INPP4B: variants seen among roughly 807,000 people sequenced by gnomAD.
The protein encoded by INPP4B is inositol polyphosphate 4-phosphatase type II.
INPP4B carries 55 observed loss-of-function variants against 122.5 expected under a neutral mutation model. The observed-to-expected ratio is 0.45, with a 90% confidence interval of 0.36 to 0.56. The LOEUF (loss-of-function observed/expected upper bound fraction) is 0.56, where lower values mean the gene tolerates loss of function less well. Ranked by LOEUF, INPP4B falls within the 20% of genes least tolerant of loss-of-function variation. The pLI, the probability that INPP4B is intolerant of heterozygous loss-of-function variation, is 0.00. For missense variants in INPP4B, 1,000 were observed against 1,097.7 expected (o/e 0.91, Z 1.26); for synonymous variants, 403 against 388.7 (o/e 1.04, Z -0.43).
At chr4:142,651,186 C>A (rs1361913479) in intron 2 of INPP4B, among the ~76,000 whole-genome samples, 4 of 152,058 alleles carry the variant, frequency 2.6e-5, no homozygotes, top group African/African-American at 9.7e-5. Context: ...AACAAAGAGA[C>A]AATGTACCAG....
intron 9 of INPP4B, among the ~76,000 whole-genome samples, chr4:142,280,066 C>T (rs1330647135): frequency 6.6e-6 from 1 of 150,984 alleles, no homozygotes; most frequent in African/African-American, 2.4e-5. Flanking sequence ...ACTTTAACAC[C>T]CTTACAATGG....
In INPP4B at chr4:142,169,660, T is replaced by C. The variant is rs1824569205; in HGVS notation, c.1359+3972A>G. Among the ~76,000 whole-genome samples, 5 of 151,692 alleles carry C rather than the reference T, an allele frequency of 3.3e-5. No homozygotes were observed. The South Asian group carries it at 1.0e-3, about 31-fold the overall frequency. Reference sequence around the variant, plus strand: ...AAAGAACAGTAGGAATTATAAGCTATGAGAATTTCTCAAATACGCTGTGAG... The same window carrying C: ...AAAGAACAGTAGGAATTATAAGCTACGAGAATTTCTCAAATACGCTGTGAG... On this transcript the variant is annotated intron_variant, in intron 16 of 25. Coordinates refer to ENST00000262992, the MANE Select transcript of INPP4B (RefSeq NM_001101669.3).
At chr4:142,326,922 A>C (rs1369911087) in intron 7 of INPP4B, among the ~76,000 whole-genome samples, 2 of 152,194 alleles carry the variant, frequency 1.3e-5, no homozygotes, top group African/African-American at 4.8e-5. Flanking sequence ...GCCCAGGGCC[A>C]CTTCATTAGC....
intron 7 of INPP4B, among the ~76,000 whole-genome samples, chr4:142,340,598 A>G (rs1025853508): frequency 1.3e-5 from 2 of 152,054 alleles, no homozygotes; most frequent in Non-Finnish European, 2.9e-5. Context: ...TGTTTTGTAG[A>G]GGCAGATTCT....
At chr4:142,827,296 T>C (rs2151171489) in intron 1 of INPP4B, among the ~76,000 whole-genome samples, 1 of 152,348 alleles carries the variant, frequency 6.6e-6, no homozygotes, top group African/African-American at 2.4e-5. Context: ...GTCTACATAT[T>C]CTAGTGTTGT....
At chr4:142,744,286 T>C (rs1768334765) in intron 1 of INPP4B, among the ~76,000 whole-genome samples, 1 of 151,860 alleles carries the variant, frequency 6.6e-6, no homozygotes, top group African/African-American at 2.4e-5. Context: ...AAAGGCACAA[T>C]TTATTTTTTA....
chr4:142,595,727 C>G (rs779775353), intron 2 of INPP4B, among the ~76,000 whole-genome samples: 4 of 152,166 alleles, frequency 2.6e-5, no homozygotes, highest in African/African-American at 4.8e-5. Flanking sequence ...TTTGAGGGAA[C>G]AAATTTTGCT....
intron 7 of INPP4B, among the ~76,000 whole-genome samples, chr4:142,396,858 A>T (rs1799531190): frequency 6.6e-6 from 1 of 152,164 alleles, no homozygotes; most frequent in African/African-American, 2.4e-5. Context: ...GCAAAACTAT[A>T]AGATTTCATT....
intron 2 of INPP4B, among the ~76,000 whole-genome samples, chr4:142,687,700 T>C (rs1350862028): frequency 6.6e-6 from 1 of 151,738 alleles, no homozygotes; most frequent in Non-Finnish European, 1.5e-5. Context: ...GTGGGAGGCA[T>C]GGAATTACCA....
intron 2 of INPP4B, among the ~76,000 whole-genome samples, chr4:142,681,447 T>C (rs1758604025): frequency 6.6e-6 from 1 of 151,778 alleles, no homozygotes; most frequent in Non-Finnish European, 1.5e-5. Flanking sequence ...AAATTCTAAA[T>C]ATAGTTCAGG....
intron 1 of INPP4B, among the ~76,000 whole-genome samples, chr4:142,812,727 T>C (rs1305029930): frequency 6.6e-6 from 1 of 152,160 alleles, no homozygotes; most frequent in African/African-American, 2.4e-5. Context: ...GAACACCTAA[T>C]TTTAGTGAAA....
intron 25 of INPP4B, among the ~76,000 whole-genome samples, chr4:142,033,859 G>C (rs566062211): frequency 6.6e-6 from 1 of 151,808 alleles, no homozygotes; most frequent in Non-Finnish European, 1.5e-5. Flanking sequence ...TAGAGATGGG[G>C]TTTCACCATG....
chr4:142,103,829 A>C (rs971182187), intron 23 of INPP4B, among the ~76,000 whole-genome samples: 7 of 152,046 alleles, frequency 4.6e-5, no homozygotes, highest in Admixed American at 4.6e-4. Context: ...ACACACACAC[A>C]GACACACACA....
rs145153502 is a variant in INPP4B at position 142,323,957 on chromosome 4, T to C, written c.373-9195A>G. 1.8e-3 allele frequency among the ~76,000 whole-genome samples: 270 copies of C among 152,218 alleles called. 1 individual carries two copies. Among genetic ancestry groups the C allele is most frequent in the African/African-American group, 5.5e-3 (230 of 41,536 alleles). Reference sequence around the variant, plus strand: ...CATTGGCTGAAATGTGTTTCTCCAATATTCATATATTGAAGCCCTTACTCC... The same window carrying C: ...CATTGGCTGAAATGTGTTTCTCCAACATTCATATATTGAAGCCCTTACTCC... On this transcript the variant is annotated intron_variant, in intron 7 of 25. Coordinates refer to ENST00000262992, the MANE Select transcript of INPP4B (RefSeq NM_001101669.3).
chr4:142,345,960 G>GT (rs1015115978), intron 7 of INPP4B, among the ~76,000 whole-genome samples: 1 of 151,888 alleles, frequency 6.6e-6, no homozygotes, highest in Admixed American at 6.6e-5. Flanking sequence ...TGGATAAACT[G>GT]TTTTTTTGTC....
chr4:142,798,541 C>T (rs1288672269), intron 1 of INPP4B, among the ~76,000 whole-genome samples: 1 of 151,736 alleles, frequency 6.6e-6, no homozygotes, highest in African/African-American at 2.4e-5. Flanking sequence ...TAATACCCCC[C>T]AAACATGAGG....
intron 3 of INPP4B, among the ~76,000 whole-genome samples, chr4:142,449,596 C>T (rs976242019): frequency 9.2e-5 from 14 of 151,504 alleles, no homozygotes; most frequent in Admixed American, 7.9e-4. Context: ...CAGCTACTTG[C>T]GAGGCTGAGA....
In INPP4B at chr4:142,160,406, T is replaced by C. The variant is rs1819533292; in HGVS notation, c.1515A>G (p.Arg505=). The C allele has an allele frequency of 1.2e-6, 2 of 1,602,160 alleles. No individual in the cohort carries two copies. Among genetic ancestry groups the C allele is most frequent in the Admixed American group, 3.4e-5 (2 of 59,638 alleles). ...SSPQDQPPVM[R]GQDSIPHHSD... ...AATGATGTGGTATGGAGTCCTGCCC[T>C]CTCATCACTGGGGGTTGGTCTTGGG... The change falls in exon 17 of 26, where the codon AGA becomes AGG. Residue 505 remains arginine, a synonymous_variant. Coordinates refer to ENST00000262992, the MANE Select transcript of INPP4B (RefSeq NM_001101669.3).
chr4:142,643,391 A>T (rs1750980972), intron 2 of INPP4B, among the ~76,000 whole-genome samples: 1 of 152,184 alleles, frequency 6.6e-6, no homozygotes, highest in South Asian at 2.1e-4. Context: ...ATCCAGTAAA[A>T]CTATAAAGAA....
Sources: gnomAD v4.1 joint callset for allele counts (sites outside exome capture counted in the v4.1 genomes callset) on GRCh38, gnomAD v4.1.1 for gene constraint, MANE v1.5 for transcripts, NCBI Gene and HGNC (gene_info 2026-07-23, HGNC 2026-07-21) for gene names.